DPYD: variants seen among roughly 807,000 people sequenced by gnomAD.
The protein encoded by DPYD is dihydropyrimidine dehydrogenase [NADP(+)].
DPYD carries 109 observed loss-of-function variants against 116.2 expected under a neutral mutation model. The ratio of observed to expected loss-of-function variants is 0.94; its 90% CI spans 0.80 to 1.10. The LOEUF is 1.10. Ranked by LOEUF, DPYD falls within the 50% of genes least tolerant of loss-of-function variation. DPYD has a pLI of 0.00. For missense variants in DPYD, 1,302 were observed against 1,254.5 expected, an observed-to-expected ratio of 1.04 and a Z score of -0.57; for synonymous variants, 440 against 432.0, an observed-to-expected ratio of 1.02 and a Z score of -0.23.
chr1:97,092,733 C>T (rs1034532418), intron 21 of DPYD, among the ~76,000 whole-genome samples: 5 of 152,016 alleles, frequency 3.3e-5, no homozygotes, highest in Admixed American at 6.6e-5. Context: ...TCATGCTACA[C>T]CCCAAACTCC....
chr1:97,728,170 T>C (rs1214583451), intron 4 of DPYD, among the ~76,000 whole-genome samples: 2 of 152,006 alleles, frequency 1.3e-5, no homozygotes, highest in Non-Finnish European at 2.9e-5. Flanking sequence ...AACAAAAATC[T>C]AAAGACAAAA....
intron 8 of DPYD, among the ~76,000 whole-genome samples, chr1:97,650,867 C>T (rs1307895075): frequency 6.6e-6 from 1 of 152,010 alleles, no homozygotes; most frequent in Non-Finnish European, 1.5e-5. Flanking sequence ...CACACACACA[C>T]AGGAGAGCTT....
At chr1:97,870,870 T>C (rs1404599692) in intron 2 of DPYD, among the ~76,000 whole-genome samples, 1 of 151,846 alleles carries the variant, frequency 6.6e-6, no homozygotes, top group Non-Finnish European at 1.5e-5. Context: ...TTCAGGCCTC[T>C]AGCATTTTAC....
chr1:97,414,045 G>A (rs1315529519), intron 14 of DPYD, among the ~76,000 whole-genome samples: 3 of 151,732 alleles, frequency 2.0e-5, no homozygotes, highest in African/African-American at 7.3e-5. Flanking sequence ...CTGCCCCAGT[G>A]ACTTCACTCA....
chr1:97,555,358 T>C (rs896967842), intron 11 of DPYD, among the ~76,000 whole-genome samples: 3 of 152,072 alleles, frequency 2.0e-5, no homozygotes, highest in Non-Finnish European at 4.4e-5. Context: ...GGCCTCGAAC[T>C]CTCCCTTGAG....
chr1:97,715,400 T>G (rs187546463), intron 5 of DPYD, among the ~76,000 whole-genome samples: 1 of 152,170 alleles, frequency 6.6e-6, no homozygotes, highest in African/African-American at 2.4e-5. Context: ...TTACATTTAC[T>G]ACATTATTTC....
chr1:97,801,148 T>C (rs1667826014), intron 3 of DPYD, among the ~76,000 whole-genome samples: 1 of 149,576 alleles, frequency 6.7e-6, no homozygotes, highest in Admixed American at 6.8e-5. Context: ...CCAACATGAA[T>C]AGGATTAGTG....
intron 15 of DPYD, among the ~76,000 whole-genome samples, chr1:97,375,831 A>C (rs1671580478): frequency 6.6e-6 from 1 of 152,210 alleles, no homozygotes; most frequent in Non-Finnish European, 1.5e-5. Context: ...GGTTACTTCA[A>C]ATATTTCCTG....
chr1:97,611,393 T>G (rs1444091543), intron 8 of DPYD, among the ~76,000 whole-genome samples: 2 of 151,984 alleles, frequency 1.3e-5, no homozygotes, highest in Non-Finnish European at 1.5e-5. Context: ...GGACAGAGAA[T>G]TTCATTTGGG....
At chr1:97,644,264 A>G (rs1658116284) in intron 8 of DPYD, among the ~76,000 whole-genome samples, 1 of 152,174 alleles carries the variant, frequency 6.6e-6, no homozygotes, top group South Asian at 2.1e-4. Context: ...TTCAATCTCC[A>G]ATGATTAATA....
At chr1:97,346,554 C>T (rs945959427) in intron 16 of DPYD, among the ~76,000 whole-genome samples, 6 of 151,668 alleles carry the variant, frequency 4.0e-5, no homozygotes, top group African/African-American at 1.4e-4. Flanking sequence ...TTTAAAGAAT[C>T]CTTATAGATT....
intron 2 of DPYD, among the ~76,000 whole-genome samples, chr1:97,847,766 G>A (rs1271854389): frequency 6.6e-6 from 1 of 152,106 alleles, no homozygotes; most frequent in Non-Finnish European, 1.5e-5. Context: ...TGGGCTGCGA[G>A]CTAATACAGC....
At chr1:97,258,456 A>G (rs1464509018) in intron 18 of DPYD, among the ~76,000 whole-genome samples, 2 of 152,108 alleles carry the variant, frequency 1.3e-5, no homozygotes, top group South Asian at 2.1e-4. Context: ...GCTTCTGCAC[A>G]CTTTCTAGGA....
At chr1:97,667,832 A>C (rs539455463) in intron 8 of DPYD, among the ~76,000 whole-genome samples, 1 of 152,290 alleles carries the variant, frequency 6.6e-6, no homozygotes, top group East Asian at 1.9e-4. Flanking sequence ...TTGATTGATT[A>C]ATGTTAAACA....
In DPYD at chr1:97,318,633, G is replaced by C. The variant is rs1481032777; in HGVS notation, c.2059-12336C>G. Among the ~76,000 whole-genome samples, 20 of 151,886 alleles carry C rather than the reference G, an allele frequency of 1.3e-4. No homozygotes were observed. In the East Asian group the frequency reaches 3.7e-3, roughly 28 times the overall value. On this transcript the variant is annotated intron_variant, in intron 16 of 22. Coordinates refer to ENST00000370192, the MANE Select transcript of DPYD (RefSeq NM_000110.4). ...TTAGACTCCCACACATTAATAATGA[G>C]ACACTTTAACACCCCACTGTCAACA...
chr1:97,536,497 GT>G (rs1650008926), intron 12 of DPYD, among the ~76,000 whole-genome samples: 5 of 152,310 alleles, frequency 3.3e-5, no homozygotes, highest in Non-Finnish European at 7.4e-5. Context: ...AGAAGAAGAA[GT>G]CAGCTCTGTT....
At chr1:97,208,261 TTTC>T (rs1659796360) in intron 19 of DPYD, among the ~76,000 whole-genome samples, 2 of 151,490 alleles carry the variant, frequency 1.3e-5, no homozygotes, top group Non-Finnish European at 3.0e-5. Context: ...TCTTTCTTTC[TTTC>T]TTTTTCTTTC....
chr1:97,455,182 T>C (rs1267639443), intron 13 of DPYD, among the ~76,000 whole-genome samples: 1 of 151,874 alleles, frequency 6.6e-6, no homozygotes, highest in Non-Finnish European at 1.5e-5. Context: ...CTGAAAGTAC[T>C]AGTGATATAT....
chr1:97,827,962 G>A (rs1237504771), intron 3 of DPYD, 152 bp downstream of exon 3: 6 of 732,052 alleles, frequency 8.2e-6, no homozygotes, highest in Non-Finnish European at 1.4e-5. Flanking sequence ...CAAAACCAAA[G>A]TACAGCCTCA....
Sources: gnomAD v4.1 joint callset for allele counts (sites outside exome capture counted in the v4.1 genomes callset) on GRCh38, gnomAD v4.1.1 for gene constraint, MANE v1.5 for transcripts, NCBI Gene and HGNC (gene_info 2026-07-23, HGNC 2026-07-21) for gene names.